SPOCK3: variants seen among roughly 807,000 people sequenced by gnomAD.
SPOCK3 encodes the protein testican-3.
Under a neutral mutation model 56.6 loss-of-function variants are expected in SPOCK3, and 30 were observed. That is an observed-to-expected ratio of 0.53 (90% CI 0.40 to 0.72). The LOEUF is 0.72. Ranked by LOEUF, SPOCK3 falls within the 30% of genes least tolerant of loss-of-function variation. The pLI, the probability that SPOCK3 is intolerant of heterozygous loss-of-function variation, is 0.00. For missense variants in SPOCK3, 527 were observed against 530.0 expected (o/e 0.99, Z 0.06); for synonymous variants, 196 against 183.3 (o/e 1.07, Z -0.56).
intron 4 of SPOCK3, among the ~76,000 whole-genome samples, chr4:166,984,960 G>C (rs1430404691): frequency 6.6e-6 from 1 of 151,982 alleles, no homozygotes; most frequent in Non-Finnish European, 1.5e-5. Flanking sequence ...AGTTTGGCTT[G>C]GAAGAACACA....
intron 5 of SPOCK3, among the ~76,000 whole-genome samples, chr4:166,890,103 C>T (rs571536068): frequency 2.0e-5 from 3 of 151,844 alleles, no homozygotes; most frequent in Non-Finnish European, 4.4e-5. Flanking sequence ...CTACAAGCCC[C>T]AGAGTTTATT....
intron 4 of SPOCK3, among the ~76,000 whole-genome samples, chr4:166,934,685 T>A (rs1042267212): frequency 2.9e-4 from 44 of 152,292 alleles, no homozygotes; most frequent in African/African-American, 8.2e-4. Flanking sequence ...AATGTTGTGA[T>A]AAACACTCCT....
chr4:166,929,758 T>C (rs1310530875), intron 4 of SPOCK3, among the ~76,000 whole-genome samples: 2 of 152,132 alleles, frequency 1.3e-5, no homozygotes, highest in Non-Finnish European at 2.9e-5. Flanking sequence ...ATTAGCTATA[T>C]GATTTTTCCT....
chr4:167,168,992 G>A (rs1561286876), intron 2 of SPOCK3, among the ~76,000 whole-genome samples: 1 of 152,142 alleles, frequency 6.6e-6, no homozygotes, highest in Non-Finnish European at 1.5e-5. Context: ...CCCAAGCCTT[G>A]GCAGCTTCCA....
chr4:166,768,625 T>C (rs1341760704), intron 7 of SPOCK3, among the ~76,000 whole-genome samples: 2 of 152,214 alleles, frequency 1.3e-5, no homozygotes, highest in African/African-American at 4.8e-5. Flanking sequence ...TAACATTTTT[T>C]CCTTCATTTA....
chr4:167,057,537 A>G (rs1299002888), intron 3 of SPOCK3, among the ~76,000 whole-genome samples: 17 of 152,020 alleles, frequency 1.1e-4, no homozygotes, highest in Non-Finnish European at 1.3e-4. Context: ...GTATTCAGGA[A>G]ACCCATCTCA....
intron 6 of SPOCK3, among the ~76,000 whole-genome samples, chr4:166,881,666 T>C (rs1346225278): frequency 6.6e-6 from 1 of 152,134 alleles, no homozygotes; most frequent in East Asian, 1.9e-4. Context: ...TCCTTTCTTA[T>C]CTTGAGGCTT....
At chr4:166,779,664 A>T (rs1391919538) in intron 7 of SPOCK3, among the ~76,000 whole-genome samples, 1 of 152,120 alleles carries the variant, frequency 6.6e-6, no homozygotes, top group Admixed American at 6.6e-5. Context: ...TATACATTTG[A>T]AGTTCCAGAA....
At chr4:166,839,550 G>A (rs960692548) in intron 6 of SPOCK3, among the ~76,000 whole-genome samples, 1 of 152,060 alleles carries the variant, frequency 6.6e-6, no homozygotes, top group African/African-American at 2.4e-5. Context: ...TCCCAGAACT[G>A]CCCTAACTCC....
At position 166,922,675 on chromosome 4, in the gene SPOCK3, T is replaced by C. The variant is rs767023258; in HGVS notation, c.351-9932A>G. Among the ~76,000 whole-genome samples the C allele has an allele frequency of 3.9e-5, 6 of 152,172 alleles. No individual in the cohort carries two copies. The South Asian group carries it at 8.3e-4, about 21-fold the overall frequency. Reference sequence around the variant, plus strand: ...GAAGTTTGGGAGATTATGGACCCACTTAGAGCAAAGGCCACTTTCTGTAGC... The same window carrying C: ...GAAGTTTGGGAGATTATGGACCCACCTAGAGCAAAGGCCACTTTCTGTAGC... On this transcript the variant is annotated intron_variant, in intron 4 of 10. Transcript: ENST00000357545.
At chr4:166,919,336 C>T (rs1405481716) in intron 4 of SPOCK3, among the ~76,000 whole-genome samples, 1 of 152,048 alleles carries the variant, frequency 6.6e-6, no homozygotes, top group Non-Finnish European at 1.5e-5. Flanking sequence ...TAATGAGCAC[C>T]AATTTCTTTG....
chr4:166,816,748 C>A (rs1744421565), intron 6 of SPOCK3, among the ~76,000 whole-genome samples: 1 of 151,912 alleles, frequency 6.6e-6, no homozygotes, highest in Non-Finnish European at 1.5e-5. Context: ...CCTAGAGAAA[C>A]CACAGAAGTA....
chr4:167,145,205 G>A (rs1763843640), intron 2 of SPOCK3, among the ~76,000 whole-genome samples: 1 of 151,996 alleles, frequency 6.6e-6, no homozygotes, highest in Admixed American at 6.6e-5. Context: ...TGTTTCATTT[G>A]AATAAAGTAA....
chr4:167,015,017 C>A (rs1159210627), intron 3 of SPOCK3, among the ~76,000 whole-genome samples: 4 of 151,596 alleles, frequency 2.6e-5, no homozygotes, highest in Non-Finnish European at 4.4e-5. Flanking sequence ...CCTTTTAAAT[C>A]AACTATTTCA....
chr4:167,213,425 AATG>A (rs1401124684), intron 2 of SPOCK3, among the ~76,000 whole-genome samples: 2 of 152,194 alleles, frequency 1.3e-5, no homozygotes, highest in African/African-American at 2.4e-5. Flanking sequence ...AAATTGCATT[AATG>A]ATAACATTAT....
At chr4:166,748,439 A>G (rs1458895833) in intron 8 of SPOCK3, among the ~76,000 whole-genome samples, 1 of 137,242 alleles carries the variant, frequency 7.3e-6, no homozygotes, top group Admixed American at 7.0e-5. Flanking sequence ...CCATATGTAC[A>G]AAGCTGAAAC....
chr4:166,842,254 G>C (rs1241851410), intron 6 of SPOCK3, among the ~76,000 whole-genome samples: 1 of 152,198 alleles, frequency 6.6e-6, no homozygotes, highest in Non-Finnish European at 1.5e-5. Context: ...GCTTTTGCTG[G>C]CTCTGGCAGC....
chr4:167,007,677 TTTC>T (rs528767799), intron 3 of SPOCK3, among the ~76,000 whole-genome samples: 490 of 152,308 alleles, frequency 3.2e-3, no homozygotes, highest in Non-Finnish European at 4.6e-3. Flanking sequence ...AGAAAATCCT[TTTC>T]TTCTTCTGTG....
chr4:166,912,865 A>G lies in SPOCK3; in HGVS notation c.351-122T>C, dbSNP rs1737434386. ...GAAGATACATTAGAATCAACAAACT[A>G]TTCTCATTTTTAATTTATTATTTCA... is the stretch of plus-strand genomic sequence containing the variant. On this transcript the variant is annotated intron_variant, in intron 4 of 10. Coordinates refer to ENST00000357545, the MANE Select transcript of SPOCK3 (RefSeq NM_001040159.2). 3 of 748,312 alleles carry G rather than the reference A, an allele frequency of 4.0e-6. No homozygotes were observed. In the Admixed American group the frequency reaches 1.1e-4, roughly 27 times the overall value. The allele number at this position is 748,312 out of a possible 1,614,324, so 46.4% of individuals were successfully genotyped here. A position where few individuals can be genotyped will look rare whatever the true frequency, so the allele number is the denominator to read the frequency against.
Sources: gnomAD v4.1 joint callset for allele counts (sites outside exome capture counted in the v4.1 genomes callset) on GRCh38, gnomAD v4.1.1 for gene constraint, MANE v1.5 for transcripts, NCBI Gene and HGNC (gene_info 2026-07-23, HGNC 2026-07-21) for gene names.